Variants in RRP36 observed in about 807,000 individuals in gnomAD.
The protein encoded by RRP36 is ribosomal RNA processing 36.
A neutral mutation model predicts 39.8 loss-of-function variants in RRP36; 44 were observed. That is an observed-to-expected ratio of 1.10 (90% CI 0.87 to 1.42). The LOEUF is 1.42. RRP36 is among the 40% of genes most tolerant of loss of function. RRP36 has a pLI of 0.00. For missense variants in RRP36, 316 were observed against 322.4 expected, an observed-to-expected ratio of 0.98 and a Z score of 0.15; for synonymous variants, 124 against 123.1, an observed-to-expected ratio of 1.01 and a Z score of -0.05.
chr6:43,021,833 G>T, intron 1 of RRP36, 49 bp downstream of exon 1: 1 of 1,193,238 alleles, frequency 8.4e-7, no homozygotes, highest in Non-Finnish European at 1.0e-6. Context: ...AGATTCCCAG[G>T]CGGGGCCCTG....
In RRP36 at chr6:43,025,056, T is replaced by C. The variant is rs1561862768; in HGVS notation, c.202T>C (p.Leu68=). 1.2e-6 allele frequency: 2 copies of C among 1,614,038 alleles called. No homozygotes were observed. The highest frequency in any genetic ancestry group is 1.3e-5 in the African/African-American group (1 of 74,906). ...SQVGTKTYKQ[L]VAGNSPKKQA... is the part of the protein sequence containing the mutation. ...AGTGGGGACTAAGACGTACAAACAATTGGTAGCTGGAAATAGTCCTAAGAA... is the reference window on the plus strand; with the variant it reads ...AGTGGGGACTAAGACGTACAAACAACTGGTAGCTGGAAATAGTCCTAAGAA... The change falls in exon 2 of 7, where the codon TTG becomes CTG. Residue 68 remains leucine (L), a synonymous_variant. Transcript: ENST00000244496.
At chr6:43,021,856 C>T in intron 1 of RRP36, 72 bp downstream of exon 1, 1 of 1,130,498 alleles carries the variant, frequency 8.8e-7, no homozygotes, top group Non-Finnish European at 1.1e-6. Context: ...CCTGCAGAGA[C>T]GGTGCCGGTA....
At chr6:43,024,038 T>C (rs1762771001) in intron 1 of RRP36, among the ~76,000 whole-genome samples, 1 of 151,904 alleles carries the variant, frequency 6.6e-6, no homozygotes, top group Non-Finnish European at 1.5e-5. Flanking sequence ...TGTATTTTTG[T>C]AGAGACGGTT....
chr6:43,022,442 C>G (rs1581883130), intron 1 of RRP36, among the ~76,000 whole-genome samples: 1 of 151,884 alleles, frequency 6.6e-6, no homozygotes, highest in Non-Finnish European at 1.5e-5. Flanking sequence ...GAGACAAAGT[C>G]TCGCCCTGTA....
rs1210059255 is a variant in RRP36, at chr6:43,026,150, C to T, written c.450+9C>T. ...GAGCGAAAGAGAAAGAGGTATACAG[C>T]TTGAGACTGGTTTATGGGGAATTTT... On this transcript the variant is annotated intron_variant, in intron 4 of 6. Coordinates refer to ENST00000244496, the MANE Select transcript of RRP36 (RefSeq NM_033112.4). The T allele has an allele frequency of 6.3e-7, 1 of 1,598,854 alleles. No individual in the cohort carries two copies. Among genetic ancestry groups the T allele is most frequent in the South Asian group, 1.1e-5 (1 of 90,680 alleles).
chr6:43,027,724 C>A (rs1762840901), intron 6 of RRP36, among the ~76,000 whole-genome samples: 1 of 126,330 alleles, frequency 7.9e-6, no homozygotes, highest in Non-Finnish European at 1.7e-5. Context: ...CCCCCCCCCC[C>A]AACACACACA....
chr6:43,025,001 A>C lies in RRP36; in HGVS notation c.147A>C (p.Ser49=). ...RDLLRGTSNM[S]FEELLELQSQ... ...CTTCCACAGGCACATCTAACATGTC[A>C]TTTGAGGAGCTGTTGGAATTGCAGA... Residue 49 remains serine (S), a synonymous_variant, in exon 2 of 7, where the codon TCA becomes TCC. Transcript: ENST00000244496. 1 of 1,614,024 alleles carries C rather than the reference A, an allele frequency of 6.2e-7. No homozygotes were observed. Among genetic ancestry groups the C allele is most frequent in the Non-Finnish European group, 8.5e-7 (1 of 1,180,040 alleles).
chr6:43,027,576 A>G (rs1762837076), intron 6 of RRP36, 99 bp downstream of exon 6: 1 of 949,958 alleles, frequency 1.1e-6, no homozygotes, highest in Admixed American at 2.2e-5. Context: ...TAAGGAAGGC[A>G]TGAAGGCTGG....
chr6:43,023,554 T>G (rs945469514), intron 1 of RRP36, among the ~76,000 whole-genome samples: 1 of 148,872 alleles, frequency 6.7e-6, no homozygotes, highest in Non-Finnish European at 1.5e-5. Flanking sequence ...TCAGCTGGAC[T>G]TGGTGGTGCG....
At chr6:43,023,673 A>G (rs1762765988) in intron 1 of RRP36, among the ~76,000 whole-genome samples, 1 of 151,976 alleles carries the variant, frequency 6.6e-6, no homozygotes, top group South Asian at 2.1e-4. Context: ...GCCTCGTGAC[A>G]GAGTGAGTCC....
intron 4 of RRP36, 120 bp downstream of exon 4, chr6:43,026,261 TTCAGTTCATATTCAAA>T: frequency 1.7e-6 from 1 of 591,210 alleles, no homozygotes; most frequent in Admixed American, 2.6e-5. Flanking sequence ...CTCTCTCCAA[TTCAGTTCATATTCAAA>T]TCCTGGCTCA....
At chr6:43,029,042 A>G in intron 6 of RRP36, 50 bp from the exon 7 acceptor site, 1 of 1,609,572 alleles carries the variant, frequency 6.2e-7, no homozygotes, top group Non-Finnish European at 8.5e-7. Context: ...TTGGGAAAGA[A>G]TAGGGGCTTC....
At chr6:43,023,918 G>A (rs558099190) in intron 1 of RRP36, among the ~76,000 whole-genome samples, 5 of 149,918 alleles carry the variant, frequency 3.3e-5, no homozygotes, top group Non-Finnish European at 5.9e-5. Context: ...GTGCAGTGAC[G>A]TGATCTCGGC....
At chr6:43,025,865 A>G (rs1484675436) in intron 3 of RRP36, among the ~76,000 whole-genome samples, 172 bp from the exon 4 acceptor site, 1 of 151,992 alleles carries the variant, frequency 6.6e-6, no homozygotes, top group African/African-American at 2.4e-5. Context: ...CTTGGGAGGC[A>G]CAGCTTGCAG....
chr6:43,021,649 C>T lies in RRP36; in HGVS notation c.-6C>T, dbSNP rs762686412. ...CCATTCGTCTTCCGAGCGCTACTGCCAGCTGATGCCGGGAGCTAACTACCG... is the reference window on the plus strand; with the variant it reads ...CCATTCGTCTTCCGAGCGCTACTGCTAGCTGATGCCGGGAGCTAACTACCG... On this transcript the variant is annotated 5_prime_UTR_variant, in exon 1 of 7. Transcript: ENST00000244496. 7 of 1,284,058 alleles carry T rather than the reference C, an allele frequency of 5.5e-6. No individual in the cohort carries two copies. Among genetic ancestry groups the T allele is most frequent in the East Asian group, 2.9e-5 (1 of 34,626 alleles). The allele number at this position is 1,284,058 out of a possible 1,614,324, so 79.5% of individuals were successfully genotyped here.
chr6:43,024,855 C>T, intron 1 of RRP36, 130 bp from the exon 2 acceptor site: 1 of 1,125,620 alleles, frequency 8.9e-7, no homozygotes, highest in Non-Finnish European at 1.3e-6. Flanking sequence ...CCTCTGCTGC[C>T]TAGGACTTCT....
Position 43,025,080 on chromosome 6 carries a change from A to C in RRP36, c.226A>C (p.Lys76Gln). Residue 76 changes from lysine to glutamine, a missense_variant, in exon 2 of 7, where the codon AAA becomes CAA. Physicochemically the swap from Lys to Gln is moderately conservative, Grantham distance 53. Coordinates refer to ENST00000244496, the MANE Select transcript of RRP36 (RefSeq NM_033112.4). ...ATTGGTAGCTGGAAATAGTCCTAAG[A>C]AACAAGCTTCTAGACCACCTATCCA... ...KQLVAGNSPKKQASRPPIQNA... is the reference protein window; with the variant it reads ...KQLVAGNSPKQQASRPPIQNA... 6.2e-7 allele frequency: 1 copy of C among 1,614,230 alleles called. No homozygotes were observed. Among genetic ancestry groups the C allele is most frequent in the Non-Finnish European group, 8.5e-7 (1 of 1,180,042 alleles).
In RRP36 at chr6:43,022,761, T is replaced by C. The variant is rs533308577; in HGVS notation, c.130+977T>C. Among the ~76,000 whole-genome samples the C allele has an allele frequency of 1.2e-3, 174 of 149,574 alleles. 1 individual carries two copies. Among genetic ancestry groups the C allele is most frequent in the Non-Finnish European group, 2.0e-3 (136 of 67,530 alleles). On this transcript the variant is annotated intron_variant, in intron 1 of 6. Coordinates refer to ENST00000244496, the MANE Select transcript of RRP36 (RefSeq NM_033112.4). ...CATTCTCCTGCCTCAGCCTCCCGAG[T>C]AGTGGGACTACAGGCGCCCGCCACC...
At chr6:43,021,931 G>C (rs982284731) in intron 1 of RRP36, 147 bp downstream of exon 1, 1 of 461,272 alleles carries the variant, frequency 2.2e-6, no homozygotes, top group Non-Finnish European at 3.0e-6. Flanking sequence ...GTGGAAAGTG[G>C]GGGGTGAGAG....
Sources: allele counts gnomAD v4.1 joint callset (sites outside exome capture counted in the v4.1 genomes callset), GRCh38; gene constraint gnomAD v4.1.1; transcripts MANE v1.5; gene names NCBI Gene and HGNC (gene_info 2026-07-23, HGNC 2026-07-21).